Variants in BTBD9 observed in about 807,000 individuals in gnomAD.
The protein encoded by BTBD9 is BTB domain containing 9.
BTBD9 carries 49 observed loss-of-function variants against 64.3 expected under a neutral mutation model. That is an observed-to-expected ratio of 0.76 (90% CI 0.61 to 0.97). The LOEUF (loss-of-function observed/expected upper bound fraction) is 0.97. BTBD9 is among the 50% of genes least tolerant of loss of function. The probability of loss-of-function intolerance (pLI) is 0.00; values close to 1 mark genes in which losing one functional copy is unlikely to be tolerated. For synonymous variants in BTBD9, 260 were observed against 274.7 expected (o/e 0.95, Z 0.53); for missense variants, 598 against 762.1 (o/e 0.78, Z 2.53).
At chr6:38,472,485 A>G (rs1463261350) in intron 6 of BTBD9, among the ~76,000 whole-genome samples, 1 of 152,146 alleles carries the variant, frequency 6.6e-6, no homozygotes, top group African/African-American at 2.4e-5. Context: ...CTGTCATAGA[A>G]AGGTCCCCAA....
At chr6:38,378,436 G>A (rs1176000958) in intron 6 of BTBD9, among the ~76,000 whole-genome samples, 10 of 151,170 alleles carry the variant, frequency 6.6e-5, no homozygotes, top group Non-Finnish European at 1.2e-4. Flanking sequence ...TAGAGACGGG[G>A]TTTCACCATG....
chr6:38,424,485 T>A (rs927963759), intron 6 of BTBD9, among the ~76,000 whole-genome samples: 1 of 151,986 alleles, frequency 6.6e-6, no homozygotes. Flanking sequence ...TGAATCTGAA[T>A]GAGTTATAAA....
At chr6:38,287,431 C>T (rs1196022027) in intron 8 of BTBD9, among the ~76,000 whole-genome samples, 2 of 152,030 alleles carry the variant, frequency 1.3e-5, no homozygotes, top group Non-Finnish European at 2.9e-5. Flanking sequence ...AGGCATGAGG[C>T]ACCGTGCCCA....
At chr6:38,253,922 G>A (rs976518929) in intron 9 of BTBD9, among the ~76,000 whole-genome samples, 5 of 150,908 alleles carry the variant, frequency 3.3e-5, no homozygotes, top group Admixed American at 2.0e-4. Flanking sequence ...AGAAGAGGCT[G>A]AGATGGTAAC....
chr6:38,427,368 C>T (rs1331825714), intron 6 of BTBD9, among the ~76,000 whole-genome samples: 10 of 151,868 alleles, frequency 6.6e-5, no homozygotes, highest in Admixed American at 6.5e-4. Context: ...AGATGCACCC[C>T]AGACCAATTT....
chr6:38,499,117 A>G (rs1772084089), intron 6 of BTBD9, among the ~76,000 whole-genome samples: 2 of 151,830 alleles, frequency 1.3e-5, no homozygotes, highest in South Asian at 2.1e-4. Flanking sequence ...AGTGAACACT[A>G]TTTTGACAGG....
chr6:38,576,132 C>G (rs1050006493), intron 6 of BTBD9, among the ~76,000 whole-genome samples: 1 of 152,084 alleles, frequency 6.6e-6, no homozygotes, highest in African/African-American at 2.4e-5. Flanking sequence ...GTCCTTCAGT[C>G]CATATCAGAC....
chr6:38,319,873 T>C (rs1305131081), intron 7 of BTBD9, among the ~76,000 whole-genome samples: 1 of 152,126 alleles, frequency 6.6e-6, no homozygotes, highest in Non-Finnish European at 1.5e-5. Context: ...GCCTAGGATT[T>C]ACAGTCCTTG....
intron 6 of BTBD9, among the ~76,000 whole-genome samples, chr6:38,357,518 AC>A (rs1274621463): frequency 6.6e-6 from 1 of 152,166 alleles, no homozygotes; most frequent in Non-Finnish European, 1.5e-5. Context: ...ATAACCTGAA[AC>A]CTTAACTATT....
At chr6:38,476,110 T>C (rs1312357883) in intron 6 of BTBD9, among the ~76,000 whole-genome samples, 2 of 152,250 alleles carry the variant, frequency 1.3e-5, no homozygotes, top group Non-Finnish European at 2.9e-5. Context: ...CTGTATAATT[T>C]AACCGTTAAA....
intron 6 of BTBD9, among the ~76,000 whole-genome samples, chr6:38,353,327 T>A (rs755384373): frequency 6.6e-6 from 1 of 151,942 alleles, no homozygotes; most frequent in Non-Finnish European, 1.5e-5. Context: ...TTTTTCAGAT[T>A]GTAATTTTCA....
At chr6:38,342,303 G>A (rs1056851009) in intron 7 of BTBD9, among the ~76,000 whole-genome samples, 3 of 151,802 alleles carry the variant, frequency 2.0e-5, no homozygotes, top group Non-Finnish European at 2.9e-5. Flanking sequence ...TGGGAGGCTG[G>A]GGCAGGTGGA....
chr6:38,220,059 T>C (rs991698296), intron 9 of BTBD9, among the ~76,000 whole-genome samples: 1 of 152,214 alleles, frequency 6.6e-6, no homozygotes, highest in African/African-American at 2.4e-5. Context: ...AAAAAGTGCG[T>C]CTACCTCTTG....
At chr6:38,515,731 A>C (rs1016103872) in intron 6 of BTBD9, among the ~76,000 whole-genome samples, 3 of 152,184 alleles carry the variant, frequency 2.0e-5, no homozygotes, top group Non-Finnish European at 4.4e-5. Flanking sequence ...GTTTAGACAA[A>C]ATAAGCAATG....
chr6:38,240,748 T>C (rs771026996), intron 9 of BTBD9, among the ~76,000 whole-genome samples: 1 of 152,162 alleles, frequency 6.6e-6, no homozygotes, highest in Non-Finnish European at 1.5e-5. Flanking sequence ...ATGAAGGCAT[T>C]TGGAATTGTA....
At chr6:38,347,874 G>C (rs951176833) in intron 6 of BTBD9, among the ~76,000 whole-genome samples, 2 of 152,210 alleles carry the variant, frequency 1.3e-5, no homozygotes, top group Non-Finnish European at 2.9e-5. Flanking sequence ...GCACGTGCCT[G>C]TAATCCCAGC....
intron 6 of BTBD9, among the ~76,000 whole-genome samples, chr6:38,438,165 G>GA (rs1246331935): frequency 1.8e-4 from 24 of 133,050 alleles, no homozygotes; most frequent in African/African-American, 4.7e-4. Context: ...GGCCAAACAG[G>GA]AAAAAAAAAG....
chr6:38,235,771 G>A (rs1051114820), intron 9 of BTBD9, among the ~76,000 whole-genome samples: 1 of 152,186 alleles, frequency 6.6e-6, no homozygotes, highest in African/African-American at 2.4e-5. Flanking sequence ...GTTTTCATAT[G>A]TGAGTATTCA....
chr6:38,559,580 T>C (rs902577413), intron 6 of BTBD9, among the ~76,000 whole-genome samples: 1 of 152,116 alleles, frequency 6.6e-6, no homozygotes, highest in African/African-American at 2.4e-5. Flanking sequence ...AAAACTGTTC[T>C]AAAATTCACA....
Sources: gnomAD v4.1 joint callset for allele counts (sites outside exome capture counted in the v4.1 genomes callset) on GRCh38, gnomAD v4.1.1 for gene constraint, MANE v1.5 for transcripts, NCBI Gene and HGNC (gene_info 2026-07-23, HGNC 2026-07-21) for gene names.